Variants in MKRN1 observed in about 807,000 individuals in gnomAD.
The protein encoded by MKRN1 is makorin ring finger protein 1, also known as E3 ubiquitin-protein ligase makorin-1.
MKRN1 carries 9 observed loss-of-function variants against 55.5 expected under a neutral mutation model. The observed-to-expected ratio is 0.16, with a 90% CI of 0.10 to 0.28. The LOEUF is 0.28. Ranked by LOEUF, MKRN1 falls within the 10% of genes least tolerant of loss-of-function variation. The pLI is 1.00. For synonymous variants in MKRN1, 253 were observed against 235.9 expected (o/e 1.07, Z -0.66); for missense variants, 488 against 626.7 (o/e 0.78, Z 2.36).
At chr7:140,477,008 G>C (rs1021039439) in intron 1 of MKRN1, among the ~76,000 whole-genome samples, 1 of 148,612 alleles carries the variant, frequency 6.7e-6, no homozygotes, top group African/African-American at 2.5e-5. Context: ...TGAGGCAGGA[G>C]AATCAATTAA....
intron 2 of MKRN1, among the ~76,000 whole-genome samples, chr7:140,466,336 T>C (rs1259148710): frequency 2.0e-5 from 3 of 151,740 alleles, no homozygotes; most frequent in Admixed American, 2.0e-4. Context: ...CTCTAAAGAG[T>C]TCTAGAAAAG....
chr7:140,475,401 T>C, intron 1 of MKRN1: 2 of 317,068 alleles, frequency 6.3e-6, no homozygotes, highest in Non-Finnish European at 6.3e-6. Flanking sequence ...GGCTCACACC[T>C]GTAATCCCAG....
In MKRN1 at chr7:140,454,631, G is replaced by T; in HGVS notation, c.1335C>A (p.Gly445=). The change falls in exon 8 of 8, where the codon GGC becomes GGA. Residue 445 remains glycine (G), a synonymous_variant. Coordinates refer to ENST00000255977, the MANE Select transcript of MKRN1 (RefSeq NM_013446.4). ...CAGCCAAAAGCATAAGCAACATCTC[G>T]CCCAGCTCAAAGGTGACAACCTCTT... is the stretch of plus-strand genomic sequence containing the variant. ...DEEEVVTFEL[G]EMLLMLLAAG... 4 of 1,613,886 alleles carry T rather than the reference G, an allele frequency of 2.5e-6. No individual in the cohort carries two copies. The highest frequency in any genetic ancestry group is 3.4e-6 in the Non-Finnish European group (4 of 1,179,854).
chr7:140,474,388 C>T (rs895070611), intron 1 of MKRN1: 9 of 327,170 alleles, frequency 2.8e-5, no homozygotes, highest in Non-Finnish European at 5.0e-5. Flanking sequence ...CACCTGTAGT[C>T]CCAGCTACTT....
At chr7:140,465,420 G>GT (rs1794739147) in intron 2 of MKRN1, among the ~76,000 whole-genome samples, 1 of 152,012 alleles carries the variant, frequency 6.6e-6, no homozygotes, top group Non-Finnish European at 1.5e-5. Context: ...GGTGGAGGTT[G>GT]TGACATTGCA....
rs931152624 is a variant in MKRN1, at chr7:140,479,291, C to T, written c.54G>A (p.Ala18=). ...GTTATTSGAG[A]AAATAAAASP... is the part of the protein sequence containing the mutation. The stretch of plus-strand genomic sequence containing the variant: ...AGGCTGCTGCCGCCGTCGCCGCTGC[C>T]GCTCCTGCTCCTGATGTTGTGGCTG... The change falls in exon 1 of 8, where the codon GCG becomes GCA. Residue 18 remains alanine, a synonymous_variant. Coordinates refer to ENST00000255977, the MANE Select transcript of MKRN1 (RefSeq NM_013446.4). 6 of 1,385,660 alleles carry T rather than the reference C, an allele frequency of 4.3e-6. No homozygotes were observed. Among genetic ancestry groups the T allele is most frequent in the South Asian group, 3.3e-5 (2 of 59,992 alleles). 85.8% of individuals were successfully genotyped at this position (1,385,660 alleles called of 1,614,324 possible). A position where few individuals can be genotyped will look rare whatever the true frequency, so the allele number is the denominator to read the frequency against.
intron 2 of MKRN1, among the ~76,000 whole-genome samples, chr7:140,466,666 C>A: frequency 6.6e-6 from 1 of 151,720 alleles, no homozygotes; most frequent in East Asian, 1.9e-4. Flanking sequence ...TAGCCGGGCG[C>A]GGTGGCGGGC....
Position 140,479,282 on chromosome 7 carries a change from CGCCGCT to C in MKRN1, c.57_62del (p.Ala20_Ala21del), listed in dbSNP as rs1419586706. On this transcript the variant is annotated inframe_deletion, in exon 1 of 8. Coordinates refer to ENST00000255977, the MANE Select transcript of MKRN1 (RefSeq NM_013446.4). ...GGGTGGGGGAGGCTGCTGCCGCCGT[CGCCGCT>C]GCCGCTCCTGCTCCTGATGTTGTGG... 2.9e-6 allele frequency: 4 copies of C among 1,388,060 alleles called. No individual in the cohort carries two copies. In the South Asian group the frequency reaches 5.0e-5, roughly 17 times the overall value. The allele number at this position is 1,388,060 out of a possible 1,614,324, so 86.0% of individuals were successfully genotyped here.
At chr7:140,477,280 A>AC (rs1471333643) in intron 1 of MKRN1, among the ~76,000 whole-genome samples, 1 of 151,294 alleles carries the variant, frequency 6.6e-6, no homozygotes, top group Non-Finnish European at 1.5e-5. Context: ...TATACAAAAA[A>AC]CCCCCAAAAA....
Position 140,460,246 on chromosome 7 carries a change from C to CAA in MKRN1, c.315-312_315-311dup, listed in dbSNP as rs58698651. 8.6e-3 allele frequency: 660 copies of CAA among 77,126 alleles called. 19 individuals carry two copies. The highest frequency in any genetic ancestry group is 9.4e-3 in the Non-Finnish European group (352 of 37,362). The allele number at this position is 77,126 out of a possible 1,614,324, so 4.8% of individuals were successfully genotyped here. On this transcript the variant is annotated intron_variant, in intron 2 of 7. Transcript: ENST00000255977. ...TGGGCGACAGAGTGAGACTCCGTCTCAAAAAAAAAAAAAAAAAAAAAGTAA... is the reference window on the plus strand; with the variant it reads ...TGGGCGACAGAGTGAGACTCCGTCTCAAAAAAAAAAAAAAAAAAAAAAAGTAA...
intron 1 of MKRN1, 136 bp downstream of exon 1, chr7:140,479,024 G>A: frequency 9.2e-7 from 1 of 1,089,568 alleles, no homozygotes; most frequent in Non-Finnish European, 1.2e-6. Context: ...CGCGAGGGCT[G>A]CAGAGATCGA....
Position 140,479,190 on chromosome 7 carries a change from CCGCTGCCGT to C in MKRN1, c.146_154del (p.Asp49_Ser51del). The C allele has an allele frequency of 6.1e-6, 9 of 1,463,792 alleles. No homozygotes were observed. The highest frequency in any genetic ancestry group is 7.2e-6 in the Non-Finnish European group (8 of 1,109,196). 90.7% of individuals were successfully genotyped at this position (1,463,792 alleles called of 1,614,324 possible). On this transcript the variant is annotated inframe_deletion, in exon 1 of 8. Transcript: ENST00000255977. ...GGTGACCTGTTTAGTCCAGCCGCCG[CCGCTGCCGT>C]CGCTGCCGCCGCCCCCTCCGCCCGC...
intron 1 of MKRN1, among the ~76,000 whole-genome samples, chr7:140,476,660 GGATACTCAGTAACTGAGTATCCTGTTCAT>G (rs1022287698): frequency 6.6e-6 from 1 of 150,668 alleles, no homozygotes; most frequent in Non-Finnish European, 1.5e-5. Context: ...TATCTGCTCA[GGATACTCAGTAACTGAGTATCCTGTTCAT>G]GATACTGGAA....
intron 1 of MKRN1, 194 bp from the exon 2 acceptor site, chr7:140,472,205 G>C: frequency 1.2e-5 from 8 of 655,898 alleles, no homozygotes; most frequent in Non-Finnish European, 1.5e-5. Context: ...TGGCTCACCT[G>C]AGGTCAGGGG....
chr7:140,466,810 CAAAAAA>C (rs563645827), intron 2 of MKRN1, among the ~76,000 whole-genome samples: 19 of 87,196 alleles, frequency 2.2e-4, no homozygotes, highest in Non-Finnish European at 3.4e-4. Context: ...GACTCCGTCT[CAAAAAA>C]AAAAAAAAAA....
intron 2 of MKRN1, among the ~76,000 whole-genome samples, chr7:140,462,505 C>T (rs1424905071): frequency 6.6e-6 from 1 of 152,158 alleles, no homozygotes; most frequent in Admixed American, 6.5e-5. Context: ...AGGCTCTACT[C>T]CAGCTTATGG....
At position 140,454,554 on chromosome 7, in the gene MKRN1, T is replaced by G; in HGVS notation, c.1412A>C (p.His471Pro). 1 of 1,613,030 alleles carries G rather than the reference T, an allele frequency of 6.2e-7. No individual in the cohort carries two copies. ...GTCATAAAAATCTTCCAGCTCATCA[T>G]GAAACAAGTCCCACTCATCTTCAGA... is the stretch of plus-strand genomic sequence containing the variant. ...TDSEDEWDLF[H>P]DELEDFYDLD... Residue 471 changes from histidine (H) to proline (P), a missense_variant, in exon 8 of 8, where the codon CAT becomes CCT. His to Pro is a moderately conservative substitution (Grantham distance 77, BLOSUM62 -2). This residue lies in a region of MKRN1 where 278 missense variants were observed against 406.7 expected (regional missense o/e 0.68). Coordinates refer to ENST00000255977, the MANE Select transcript of MKRN1 (RefSeq NM_013446.4).
At chr7:140,476,880 G>C (rs963433580) in intron 1 of MKRN1, among the ~76,000 whole-genome samples, 2 of 152,052 alleles carry the variant, frequency 1.3e-5, no homozygotes, top group African/African-American at 4.8e-5. Flanking sequence ...GGGAGTTCAA[G>C]ACCAGCCTGA....
In MKRN1 at chr7:140,458,173, C is replaced by T. The variant is rs151178789; in HGVS notation, c.771+834G>A. On this transcript the variant is annotated intron_variant, in intron 4 of 7. Coordinates refer to ENST00000255977, the MANE Select transcript of MKRN1 (RefSeq NM_013446.4). ...ACCCAGCAATTCCACTCCTAGGTAA[C>T]GGAAAACATATCTTCACAGAAAAAC... 3.3e-3 allele frequency among the ~76,000 whole-genome samples: 497 copies of T among 152,176 alleles called. 4 individuals carry two copies. Among genetic ancestry groups the T allele is most frequent in the African/African-American group, 0.011 (472 of 41,512 alleles).
Sources: allele counts gnomAD v4.1 joint callset (sites outside exome capture counted in the v4.1 genomes callset), GRCh38; gene constraint gnomAD v4.1.1; regional missense constraint gnomAD v4.1.1; transcripts MANE v1.5; gene names NCBI Gene and HGNC (gene_info 2026-07-23, HGNC 2026-07-21).